CEP63: variants seen among roughly 807,000 people sequenced by gnomAD.
CEP63 encodes the protein centrosomal protein 63.
A neutral mutation model predicts 89.1 loss-of-function variants in CEP63; 84 were observed. That is an observed-to-expected ratio of 0.94 (90% CI 0.79 to 1.13). CEP63 has a LOEUF of 1.13. CEP63 is among the 50% of genes most tolerant of loss of function. The pLI is 0.00. For missense variants in CEP63, 838 were observed against 813.3 expected, an observed-to-expected ratio of 1.03 and a Z score of -0.37; for synonymous variants, 267 against 272.5, an observed-to-expected ratio of 0.98 and a Z score of 0.20.
At chr3:134,643,172 A>G in the CEP63 span, 1 of 666,530 alleles carries the variant, frequency 1.5e-6, no homozygotes, top group Admixed American at 2.9e-5. Context: ...CAGGGAGAGG[A>G]AAAGGGTTTT....
intron 12 of CEP63, among the ~76,000 whole-genome samples, chr3:134,555,446 T>G (rs1445410503): frequency 6.6e-6 from 1 of 150,382 alleles, no homozygotes; most frequent in Non-Finnish European, 1.5e-5. Flanking sequence ...AAAATCAATG[T>G]ACAAAAATCA....
downstream of CEP63, among the ~76,000 whole-genome samples, chr3:134,589,589 C>CAAAAAAAA (rs55675043): frequency 1.4e-5 from 2 of 147,154 alleles, no homozygotes. Context: ...ATTAAAATGT[C>CAAAAAAAA]AAAAAAAAAA....
At chr3:134,600,105 C>T in the CEP63 span, among the ~76,000 whole-genome samples, 59 of 152,308 alleles carry the variant, frequency 3.9e-4, no homozygotes, top group African/African-American at 1.4e-3. Context: ...TAAACTGAGG[C>T]GGGCAATAGA....
At chr3:134,604,830 A>T in the CEP63 span, among the ~76,000 whole-genome samples, 1 of 152,206 alleles carries the variant, frequency 6.6e-6, no homozygotes, top group Non-Finnish European at 1.5e-5. Flanking sequence ...AGAGAGGGTC[A>T]TGGGTCAGGA....
chr3:134,523,815 G>C (rs1948043460), intron 3 of CEP63, among the ~76,000 whole-genome samples: 1 of 152,066 alleles, frequency 6.6e-6, no homozygotes, highest in African/African-American at 2.4e-5. Flanking sequence ...TTTGAAGTTG[G>C]GTAGTGTGAT....
At chr3:134,566,194 G>C (rs1289075787), downstream of CEP63, among the ~76,000 whole-genome samples, 1 of 151,818 alleles carries the variant, frequency 6.6e-6, no homozygotes, top group Non-Finnish European at 1.5e-5. Context: ...ATTAAGACCA[G>C]GTTCAATTAT....
At chr3:134,743,600 G>A in the CEP63 span, among the ~76,000 whole-genome samples, 1 of 152,142 alleles carries the variant, frequency 6.6e-6, no homozygotes, top group African/African-American at 2.4e-5. Context: ...GTGAACCTGA[G>A]CCTTGACTAG....
the CEP63 span, among the ~76,000 whole-genome samples, chr3:134,657,031 G>A: frequency 1.3e-5 from 2 of 152,168 alleles, no homozygotes; most frequent in Admixed American, 6.5e-5. Flanking sequence ...TTATATATAG[G>A]TGTGTTAGTC....
At chr3:134,511,788 A>AG (rs1945013538) in intron 3 of CEP63, among the ~76,000 whole-genome samples, 1 of 152,168 alleles carries the variant, frequency 6.6e-6, no homozygotes. Context: ...AAGAACAGCA[A>AG]GGGGGAAGTC....
At chr3:134,647,169 C>A in the CEP63 span, among the ~76,000 whole-genome samples, 4 of 152,206 alleles carry the variant, frequency 2.6e-5, no homozygotes, top group African/African-American at 9.7e-5. Context: ...TAAGTCCTCC[C>A]CTACGGCTCA....
the CEP63 span, among the ~76,000 whole-genome samples, chr3:134,690,742 G>GTTTTTTTTTTTTTTTTTTTT: frequency 1.2e-5 from 1 of 84,946 alleles, no homozygotes; most frequent in Admixed American, 1.9e-4. Flanking sequence ...GGAAGACCAA[G>GTTTTTTTTTTTTTTTTTTTT]ATTTTTTTTT....
At chr3:134,495,826 G>C (rs746475308) in intron 2 of CEP63, among the ~76,000 whole-genome samples, 9 of 152,184 alleles carry the variant, frequency 5.9e-5, no homozygotes, top group Non-Finnish European at 1.2e-4. Flanking sequence ...GAGAACATGA[G>C]ATATTTGTCT....
chr3:134,603,885 G>T, the CEP63 span: 2 of 1,614,020 alleles, frequency 1.2e-6, no homozygotes, highest in Admixed American at 3.3e-5. Flanking sequence ...TCACCTTGGT[G>T]TTGGCACAGC....
the CEP63 span, among the ~76,000 whole-genome samples, chr3:134,702,602 T>C: frequency 4.6e-5 from 7 of 152,234 alleles, no homozygotes; most frequent in Non-Finnish European, 7.4e-5. Flanking sequence ...ACAACCATCT[T>C]GTAAATTTGT....
intron 13 of CEP63, among the ~76,000 whole-genome samples, 198 bp from the exon 14 acceptor site, chr3:134,558,952 G>C (rs575083492): frequency 6.6e-6 from 1 of 152,280 alleles, no homozygotes; most frequent in South Asian, 2.1e-4. Context: ...GTGTGTGAGG[G>C]CAGGGACTTG....
chr3:134,552,161 G>A, intron 12 of CEP63, 149 bp downstream of exon 12: 1 of 504,238 alleles, frequency 2.0e-6, no homozygotes, highest in Non-Finnish European at 3.6e-6. Context: ...AACAATACTG[G>A]AAGTGAGCAA....
chr3:134,728,966 A>C, the CEP63 span, among the ~76,000 whole-genome samples: 1 of 152,138 alleles, frequency 6.6e-6, no homozygotes, highest in Non-Finnish European at 1.5e-5. Context: ...TTCCATGTAC[A>C]TTTCTGGGTA....
chr3:134,746,498 C>G, the CEP63 span, among the ~76,000 whole-genome samples: 1 of 152,338 alleles, frequency 6.6e-6, no homozygotes, highest in South Asian at 2.1e-4. Context: ...AATCGCCACA[C>G]TGTATTCCAC....
the CEP63 span, among the ~76,000 whole-genome samples, chr3:134,777,510 A>G: frequency 6.6e-6 from 1 of 152,072 alleles, no homozygotes; most frequent in Non-Finnish European, 1.5e-5. Flanking sequence ...AAAATAATTT[A>G]AAACTCGAGA....
Sources: gnomAD v4.1 joint callset for allele counts (sites outside exome capture counted in the v4.1 genomes callset) on GRCh38, gnomAD v4.1.1 for gene constraint, MANE v1.5 for transcripts, NCBI Gene and HGNC (gene_info 2026-07-23, HGNC 2026-07-21) for gene names.